Variants in SNX29 observed in about 807,000 individuals in gnomAD.
The protein encoded by SNX29 is sorting nexin-29.
In SNX29, 78 loss-of-function variants were observed where a neutral mutation model predicts 102.1. That is an observed-to-expected ratio of 0.76 (90% confidence interval 0.64 to 0.92). SNX29 has a LOEUF of 0.92. SNX29 is among the 40% of genes least tolerant of loss of function. The probability of loss-of-function intolerance (pLI) is 0.00; values close to 1 mark genes in which losing one functional copy is unlikely to be tolerated. For synonymous variants in SNX29, 580 were observed against 414.5 expected, an observed-to-expected ratio of 1.40 and a Z score of -4.85; for missense variants, 1,280 against 1,061.7, an observed-to-expected ratio of 1.21 and a Z score of -2.86.
intron 11 of SNX29, among the ~76,000 whole-genome samples, chr16:12,095,813 G>A (rs1227056501): frequency 6.6e-6 from 1 of 152,234 alleles, no homozygotes; most frequent in Non-Finnish European, 1.5e-5. Flanking sequence ...TTGATTGTGA[G>A]CCAGGGCAGA....
chr16:12,219,927 C>A (rs2077430335), intron 14 of SNX29, among the ~76,000 whole-genome samples: 1 of 152,224 alleles, frequency 6.6e-6, no homozygotes, highest in South Asian at 2.1e-4. Flanking sequence ...AGCGCACACA[C>A]GTGTACACAC....
intron 16 of SNX29, among the ~76,000 whole-genome samples, chr16:12,381,889 A>AC (rs1567505594): frequency 1.4e-5 from 2 of 139,476 alleles, no homozygotes; most frequent in African/African-American, 2.7e-5. Context: ...CCTCCCATTC[A>AC]CCCCCACTCC....
chr16:12,312,455 G>A (rs1436746120), intron 15 of SNX29, among the ~76,000 whole-genome samples: 1 of 152,170 alleles, frequency 6.6e-6, no homozygotes, highest in Non-Finnish European at 1.5e-5. Flanking sequence ...AGAAAACCCT[G>A]TTCGTCTGCA....
intron 14 of SNX29, among the ~76,000 whole-genome samples, chr16:12,257,983 C>T (rs1183536942): frequency 6.6e-6 from 1 of 152,190 alleles, no homozygotes; most frequent in Non-Finnish European, 1.5e-5. Context: ...TGACTGTCCT[C>T]ACTGCTATCG....
At chr16:12,070,860 C>T (rs1567179468) in intron 10 of SNX29, among the ~76,000 whole-genome samples, 1 of 152,176 alleles carries the variant, frequency 6.6e-6, no homozygotes, top group Non-Finnish European at 1.5e-5. Context: ...TTAATGATTG[C>T]CATTCTAACT....
At chr16:12,551,812 C>G (rs1199349967) in intron 20 of SNX29, among the ~76,000 whole-genome samples, 2 of 152,138 alleles carry the variant, frequency 1.3e-5, no homozygotes, top group Admixed American at 6.5e-5. Context: ...CTTCTGTATC[C>G]CCGCCTCAGT....
Position 12,448,762 on chromosome 16 carries a change from T to G in SNX29, c.2038-28957T>G, listed in dbSNP as rs190787179. ...CCCTGAAGTGTCTGGCTCATAGTCA[T>G]GTCTGTCAGTCTTTCTCCAAGACAA... On this transcript the variant is annotated intron_variant, in intron 18 of 20. Transcript: ENST00000566228. 2.2e-4 allele frequency among the ~76,000 whole-genome samples: 33 copies of G among 152,340 alleles called. No individual in the cohort carries two copies. The Middle Eastern group carries it at 0.017, about 79-fold the overall frequency.
intron 13 of SNX29, among the ~76,000 whole-genome samples, chr16:12,160,627 C>T (rs1271991580): frequency 6.6e-6 from 1 of 152,070 alleles, no homozygotes; most frequent in Non-Finnish European, 1.5e-5. Flanking sequence ...AAAATGATCT[C>T]TTCATAGAAT....
At chr16:12,294,529 C>A (rs767415204) in intron 15 of SNX29, among the ~76,000 whole-genome samples, 2 of 152,190 alleles carry the variant, frequency 1.3e-5, no homozygotes, top group African/African-American at 2.4e-5. Flanking sequence ...CACCCGCCTC[C>A]CTCTGCTGTC....
chr16:11,995,524 G>A (rs912303589), intron 1 of SNX29, among the ~76,000 whole-genome samples: 2 of 151,506 alleles, frequency 1.3e-5, no homozygotes, highest in Admixed American at 6.6e-5. Context: ...GGTAGTTTTT[G>A]TATAAAGAAC....
chr16:12,561,193 G>A (rs2078704585), intron 20 of SNX29: 3 of 230,348 alleles, frequency 1.3e-5, no homozygotes, highest in Admixed American at 1.1e-4. Flanking sequence ...CTCTGATACT[G>A]CCCATCAGGA....
intron 14 of SNX29, among the ~76,000 whole-genome samples, chr16:12,275,611 T>A (rs1303369923): frequency 3.3e-5 from 5 of 152,296 alleles, no homozygotes; most frequent in African/African-American, 1.2e-4. Context: ...TGAAATTTTC[T>A]CAGGTCTGTC....
At chr16:12,048,272 G>A in intron 6 of SNX29, 100 bp from the exon 7 acceptor site, 1 of 1,548,560 alleles carries the variant, frequency 6.5e-7, no homozygotes, top group Non-Finnish European at 8.9e-7. Context: ...AGATCAACGT[G>A]CCTCCTCTTC....
Position 12,573,374 on chromosome 16 carries a change from C to T in SNX29, c.*4745C>T, listed in dbSNP as rs139414541. ...CTTCTAAATCCCAGCAACCAAGTTG[C>T]GTATCCTTCCTTATAGCTAGTTTCT... On this transcript the variant is annotated 3_prime_UTR_variant, in exon 21 of 21. Transcript: ENST00000566228. 12 of 223,878 alleles carry T rather than the reference C, an allele frequency of 5.4e-5. No homozygotes were observed. The highest frequency in any genetic ancestry group is 8.9e-5 in the African/African-American group (4 of 44,824). The allele number at this position is 223,878 out of a possible 1,614,324, so 13.9% of individuals were successfully genotyped here. A position where few individuals can be genotyped will look rare whatever the true frequency, so the allele number is the denominator to read the frequency against.
At chr16:12,441,343 C>T (rs1264547531) in intron 18 of SNX29, among the ~76,000 whole-genome samples, 1 of 152,118 alleles carries the variant, frequency 6.6e-6, no homozygotes. Flanking sequence ...CCACCTCGGC[C>T]TCCCAAAGTG....
chr16:12,262,288 G>A (rs1383727041), intron 14 of SNX29, among the ~76,000 whole-genome samples: 2 of 152,182 alleles, frequency 1.3e-5, no homozygotes, highest in Non-Finnish European at 2.9e-5. Flanking sequence ...TAAATGAGGA[G>A]ACCCAGGCTC....
chr16:12,172,124 C>A (rs1450828560), intron 13 of SNX29, among the ~76,000 whole-genome samples: 2 of 152,186 alleles, frequency 1.3e-5, no homozygotes, highest in Non-Finnish European at 2.9e-5. Context: ...ATAGACTTAA[C>A]AACATGAAGT....
chr16:12,321,226 C>T (rs962807288), intron 15 of SNX29, among the ~76,000 whole-genome samples: 1 of 152,172 alleles, frequency 6.6e-6, no homozygotes, highest in Non-Finnish European at 1.5e-5. Context: ...TCATAGTCCC[C>T]CTTAGTTCCC....
chr16:11,990,015 G>A (rs565003231), intron 1 of SNX29, among the ~76,000 whole-genome samples: 1 of 152,314 alleles, frequency 6.6e-6, no homozygotes, highest in African/African-American at 2.4e-5. Context: ...TAAAATGTCA[G>A]GTCTGTCACC....
Sources: gnomAD v4.1 joint callset for allele counts (sites outside exome capture counted in the v4.1 genomes callset) on GRCh38, gnomAD v4.1.1 for gene constraint, MANE v1.5 for transcripts, NCBI Gene and HGNC (gene_info 2026-07-23, HGNC 2026-07-21) for gene names.